The following KLF17 variants were observed in gnomAD, a reference collection of about 807,000 sequenced individuals.
KLF17 encodes KLF transcription factor 17.
KLF17 carries 31 observed loss-of-function variants against 34.2 expected under a neutral mutation model. That is an observed-to-expected ratio of 0.91 (90% CI 0.68 to 1.22). The LOEUF (loss-of-function observed/expected upper bound fraction) is 1.22, where lower values mean the gene tolerates loss of function less well. Ranked by LOEUF, KLF17 falls within the 50% of genes most tolerant of loss-of-function variation. KLF17 has a pLI of 0.00. For synonymous variants in KLF17, 179 were observed against 186.7 expected, an observed-to-expected ratio of 0.96 and a Z score of 0.34; for missense variants, 478 against 505.2, an observed-to-expected ratio of 0.95 and a Z score of 0.52.
chr1:44,089,977 C>T, the KLF17 span, among the ~76,000 whole-genome samples: 1 of 151,866 alleles, frequency 6.6e-6, no homozygotes, highest in South Asian at 2.1e-4. Flanking sequence ...GCCTGGCCAA[C>T]ATGGTGAAAA....
At chr1:44,121,472 C>T (rs2087945610) in intron 1 of KLF17, among the ~76,000 whole-genome samples, 1 of 152,158 alleles carries the variant, frequency 6.6e-6, no homozygotes, top group Admixed American at 6.5e-5. Flanking sequence ...CTAGCTATTC[C>T]TAAAATGTAC....
the KLF17 span, among the ~76,000 whole-genome samples, chr1:44,106,084 C>T: frequency 5.9e-5 from 9 of 151,966 alleles, no homozygotes; most frequent in South Asian, 2.1e-4. Context: ...GTTTCCTACC[C>T]GAGTGTTGAC....
the KLF17 span, among the ~76,000 whole-genome samples, chr1:44,077,309 C>A: frequency 6.6e-6 from 1 of 151,864 alleles, no homozygotes; most frequent in Non-Finnish European, 1.5e-5. Context: ...TGTGCCACTG[C>A]ACTCCAGCCT....
chr1:44,070,931 A>G, the KLF17 span, among the ~76,000 whole-genome samples: 3 of 152,198 alleles, frequency 2.0e-5, no homozygotes, highest in African/African-American at 7.2e-5. Context: ...TTTTTATGTT[A>G]TTTTGAAAAT....
At chr1:44,052,982 C>T in the KLF17 span, among the ~76,000 whole-genome samples, 1 of 151,170 alleles carries the variant, frequency 6.6e-6, no homozygotes, top group Non-Finnish European at 1.5e-5. Context: ...CTTGCCACAA[C>T]CTCTGCCTCC....
At chr1:44,047,566 C>A in the KLF17 span, among the ~76,000 whole-genome samples, 1 of 150,420 alleles carries the variant, frequency 6.6e-6, no homozygotes, top group South Asian at 2.1e-4. Context: ...GGGGACCCGG[C>A]ACAGTGACAT....
chr1:44,048,982 G>C, the KLF17 span, among the ~76,000 whole-genome samples: 6 of 152,118 alleles, frequency 3.9e-5, no homozygotes, highest in Non-Finnish European at 8.8e-5. Flanking sequence ...TAGTCTGCTG[G>C]GGCTGCTATA....
Position 44,132,835 on chromosome 1 carries a change from C to G in KLF17, c.*1-403C>G, listed in dbSNP as rs758904982. On this transcript the variant is annotated intron_variant, in intron 3 of 3. Coordinates refer to ENST00000372299, the MANE Select transcript of KLF17 (RefSeq NM_173484.4). ...GGGGATAATGACTATCTTGGCAAAC[C>G]AGCCAGGTAGTTTAGAACCTCATAT... Among the ~76,000 whole-genome samples, 4 of 152,184 alleles carry G rather than the reference C, an allele frequency of 2.6e-5. No individual in the cohort carries two copies. In the South Asian group the frequency reaches 6.2e-4, roughly 24 times the overall value.
intron 1 of KLF17, chr1:44,122,194 C>T (rs2087954298): frequency 1.9e-6 from 3 of 1,599,518 alleles, no homozygotes; most frequent in South Asian, 1.1e-5. Flanking sequence ...CGGCCACGTC[C>T]TCTTCCTCTT....
chr1:44,103,437 G>C, the KLF17 span: 1 of 802,244 alleles, frequency 1.2e-6, no homozygotes, highest in Non-Finnish European at 2.2e-6. Flanking sequence ...GCCCATGCCA[G>C]AGCCAAAGCT....
At chr1:44,103,333 G>A in the KLF17 span, 1 of 306,284 alleles carries the variant, frequency 3.3e-6, no homozygotes, top group Non-Finnish European at 6.0e-6. Flanking sequence ...CAAAGGACTC[G>A]GACACCGGAC....
chr1:44,070,350 C>T, the KLF17 span, among the ~76,000 whole-genome samples: 4 of 152,108 alleles, frequency 2.6e-5, no homozygotes, highest in African/African-American at 9.7e-5. Flanking sequence ...CCCCTCCACC[C>T]TCTCGCCCTT....
chr1:44,112,253 C>G, the KLF17 span, among the ~76,000 whole-genome samples: 19 of 152,292 alleles, frequency 1.2e-4, no homozygotes, highest in Middle Eastern at 3.4e-3. Context: ...GAGCACCTAT[C>G]TATAATTTAC....
chr1:44,118,988 G>A lies in KLF17; in HGVS notation c.81G>A (p.Gln27=), dbSNP rs767132792. Residue 27 remains glutamine (Q), a splice_region_variant and synonymous_variant, in exon 1 of 4, where the codon CAG becomes CAA. Transcript: ENST00000372299. ...SRWQAAHQAA[Q]DNENSAPILN... ...GGCAGGCGGCGCACCAGGCTGCCCA[G>A]GTGAGTCAGGTGCCAGCCCCTGGCA... is the stretch of plus-strand genomic sequence containing the variant. The A allele has an allele frequency of 7.5e-6, 12 of 1,603,260 alleles. No individual in the cohort carries two copies. The highest frequency in any genetic ancestry group is 1.7e-4 in the Middle Eastern group (1 of 5,788).
the KLF17 span, among the ~76,000 whole-genome samples, chr1:44,109,141 G>A: frequency 6.6e-6 from 1 of 152,160 alleles, no homozygotes; most frequent in African/African-American, 2.4e-5. Flanking sequence ...AAACTCTGGG[G>A]TCTCTAGGCC....
At chr1:44,099,915 AAGAAAAGAAAGGG>A in the KLF17 span, among the ~76,000 whole-genome samples, 10 of 74,212 alleles carry the variant, frequency 1.3e-4, no homozygotes, top group East Asian at 3.3e-3. Context: ...GAAAGAAAGA[AAGAAAAGAAAGGG>A]AGGGAGGGAG....
chr1:44,064,119 G>C, the KLF17 span, among the ~76,000 whole-genome samples: 1 of 152,028 alleles, frequency 6.6e-6, no homozygotes, highest in Non-Finnish European at 1.5e-5. Context: ...TCAGCCAAAT[G>C]AAAAAATAAG....
chr1:44,111,463 G>GTTTTTT, the KLF17 span, among the ~76,000 whole-genome samples: 16 of 90,454 alleles, frequency 1.8e-4, no homozygotes, highest in African/African-American at 4.1e-4. Context: ...TTTGCAACTT[G>GTTTTTT]TTTTTTTTTT....
At chr1:44,132,601 C>A (rs148377299) in intron 3 of KLF17, among the ~76,000 whole-genome samples, 112 of 152,290 alleles carry the variant, frequency 7.4e-4, no homozygotes, top group Middle Eastern at 3.4e-3. Flanking sequence ...GTTTGCACCT[C>A]TCCAAATAAA....
Sources: gnomAD v4.1 joint callset for allele counts (sites outside exome capture counted in the v4.1 genomes callset) on GRCh38, gnomAD v4.1.1 for gene constraint, MANE v1.5 for transcripts, NCBI Gene and HGNC (gene_info 2026-07-23, HGNC 2026-07-21) for gene names.